The following LARP4B variants were observed in gnomAD, a reference collection of about 807,000 sequenced individuals.
The protein encoded by LARP4B is la-related protein 4B.
A neutral mutation model predicts 89.8 loss-of-function variants in LARP4B; 12 were observed. The ratio of observed to expected loss-of-function variants is 0.13; its 90% CI spans 0.09 to 0.22. The LOEUF (loss-of-function observed/expected upper bound fraction) is 0.22, where lower values mean the gene tolerates loss of function less well. Among genes scored for constraint, LARP4B ranks in the 10% least tolerant of loss-of-function variants. The pLI is 1.00. For synonymous variants in LARP4B, 367 were observed against 363.3 expected (o/e 1.01, Z -0.12); for missense variants, 757 against 947.7 (o/e 0.80, Z 2.64).
chr10:873,209 G>A, intron 3 of LARP4B: 1 of 985,366 alleles, frequency 1.0e-6, no homozygotes, highest in Non-Finnish European at 1.2e-6. Flanking sequence ...GCACCTCACA[G>A]TAACTTGCTA....
the LARP4B span, among the ~76,000 whole-genome samples, chr10:967,185 C>T: frequency 7.9e-5 from 12 of 152,184 alleles, no homozygotes; most frequent in Admixed American, 2.0e-4. Context: ...AAAGCATCCA[C>T]GGTCAAGTTC....
At chr10:866,081 G>A (rs1208014802) in intron 3 of LARP4B, among the ~76,000 whole-genome samples, 2 of 152,218 alleles carry the variant, frequency 1.3e-5, no homozygotes, top group Non-Finnish European at 2.9e-5. Context: ...AACTATTTCT[G>A]AAACTGAGAG....
the LARP4B span, among the ~76,000 whole-genome samples, chr10:974,094 C>G: frequency 6.6e-6 from 1 of 152,162 alleles, no homozygotes; most frequent in South Asian, 2.1e-4. Flanking sequence ...GGGGAGTGAG[C>G]CTGCTTCTGC....
At chr10:952,342 A>AAAG in the LARP4B span, among the ~76,000 whole-genome samples, 159 of 146,870 alleles carry the variant, frequency 1.1e-3, 5 homozygotes, top group African/African-American at 3.9e-3. Context: ...TCCATCTCAA[A>AAAG]AAAAAAAAAA....
At chr10:960,699 C>A in the LARP4B span, among the ~76,000 whole-genome samples, 1 of 87,448 alleles carries the variant, frequency 1.1e-5, no homozygotes. Context: ...CAGAGTGAGA[C>A]TCTGTCTCAA....
intron 3 of LARP4B, among the ~76,000 whole-genome samples, chr10:879,859 C>T (rs1403842123): frequency 2.6e-5 from 4 of 152,108 alleles, no homozygotes; most frequent in Non-Finnish European, 5.9e-5. Flanking sequence ...ATGCAACCTC[C>T]GCCTCCCGGG....
chr10:879,681 T>A (rs1425834764), intron 3 of LARP4B, among the ~76,000 whole-genome samples: 1 of 152,132 alleles, frequency 6.6e-6, no homozygotes, highest in Non-Finnish European at 1.5e-5. Context: ...TTTGTAGATA[T>A]GGGGTCTTGA....
At chr10:888,281 C>A (rs1251015015) in intron 1 of LARP4B, among the ~76,000 whole-genome samples, 1 of 151,324 alleles carries the variant, frequency 6.6e-6, no homozygotes, top group Non-Finnish European at 1.5e-5. Context: ...GAGATCACAC[C>A]ACGGCACTCC....
chr10:817,917 C>G, intron 14 of LARP4B, 28 bp from the exon 15 acceptor site: 2 of 1,599,558 alleles, frequency 1.3e-6, no homozygotes, highest in Non-Finnish European at 1.7e-6. Context: ...CCCAGGGTCA[C>G]GGTATGGAGA....
chr10:895,672 C>CAAAAA (rs1312520352), intron 1 of LARP4B, among the ~76,000 whole-genome samples: 3 of 64,004 alleles, frequency 4.7e-5, no homozygotes, highest in Admixed American at 1.8e-4. Flanking sequence ...GAGTCCATCT[C>CAAAAA]AAAAAAAAAA....
chr10:902,207 C>T (rs908936794), intron 1 of LARP4B, among the ~76,000 whole-genome samples: 1 of 152,130 alleles, frequency 6.6e-6, no homozygotes, highest in African/African-American at 2.4e-5. Flanking sequence ...GAGCATTTTA[C>T]TCATTAAACC....
intron 1 of LARP4B, among the ~76,000 whole-genome samples, chr10:888,984 C>A (rs2131946228): frequency 6.6e-6 from 1 of 152,204 alleles, no homozygotes; most frequent in Admixed American, 6.5e-5. Context: ...CCTTCGGAGG[C>A]TGGGATAGGA....
chr10:894,992 C>G (rs1023335488), intron 1 of LARP4B, among the ~76,000 whole-genome samples: 3 of 152,150 alleles, frequency 2.0e-5, no homozygotes, highest in Non-Finnish European at 4.4e-5. Flanking sequence ...TGCGACCAGC[C>G]TCGGGCAACA....
intron 3 of LARP4B, among the ~76,000 whole-genome samples, chr10:868,719 C>G (rs926475317): frequency 6.6e-6 from 1 of 152,220 alleles, no homozygotes; most frequent in African/African-American, 2.4e-5. Context: ...TAACTCTCTC[C>G]AGAAAAACTC....
chr10:977,746 G>A, the LARP4B span, among the ~76,000 whole-genome samples: 2 of 152,164 alleles, frequency 1.3e-5, no homozygotes, highest in Non-Finnish European at 2.9e-5. Context: ...GTACACAGGA[G>A]GATTGCATAG....
rs1288773056 is a variant in LARP4B at position 815,044 on chromosome 10, G to A, written c.1722C>T (p.Asn574=). Residue 574 remains asparagine (N), a synonymous_variant, in exon 16 of 18, where the codon AAC becomes AAT. Transcript: ENST00000316157. The part of the protein sequence containing the change: ...ERTLSADASV[N]TLPVVVSREP... ...CTCTGGAGACCACTACAGGAAGGGT[G>A]TTCACGCTTGCGTCTGCACTGAGGG... 6.3e-7 allele frequency: 1 copy of A among 1,598,730 alleles called. No individual in the cohort carries two copies. Among genetic ancestry groups the A allele is most frequent in the South Asian group, 1.1e-5 (1 of 89,422 alleles).
At chr10:830,269 A>C (rs1194751223) in intron 9 of LARP4B, among the ~76,000 whole-genome samples, 1 of 151,976 alleles carries the variant, frequency 6.6e-6, no homozygotes, top group Non-Finnish European at 1.5e-5. Context: ...CAGAGCTCAC[A>C]CTCCACTCCA....
At chr10:863,224 T>A (rs1164792685) in intron 5 of LARP4B, among the ~76,000 whole-genome samples, 1 of 141,982 alleles carries the variant, frequency 7.0e-6, no homozygotes, top group Non-Finnish European at 1.6e-5. Context: ...TAAATAGGTT[T>A]CATTTTTTTT....
At chr10:931,744 G>GACCCGCGCCTCGCGCCC (rs1830624871), upstream of LARP4B, 1 of 150,692 alleles carries the variant, frequency 6.6e-6, no homozygotes, top group African/African-American at 2.4e-5. Flanking sequence ...CCCCCGCGCG[G>GACCCGCGCCTCGCGCCC]ACCCGCGCCT....
Sources: gnomAD v4.1 joint callset for allele counts (sites outside exome capture counted in the v4.1 genomes callset) on GRCh38, gnomAD v4.1.1 for gene constraint, MANE v1.5 for transcripts, NCBI Gene and HGNC (gene_info 2026-07-23, HGNC 2026-07-21) for gene names.